BTN2A2: variants seen among roughly 807,000 people sequenced by gnomAD.
BTN2A2 encodes butyrophilin 2.
Under a neutral mutation model 34.7 loss-of-function variants are expected in BTN2A2, and 29 were observed. The ratio of observed to expected loss-of-function variants is 0.84; its 90% CI spans 0.62 to 1.14. The LOEUF (loss-of-function observed/expected upper bound fraction) is 1.14, where lower values mean the gene tolerates loss of function less well. Ranked by LOEUF, BTN2A2 falls within the 50% of genes most tolerant of loss-of-function variation. The pLI, the probability that BTN2A2 is intolerant of heterozygous loss-of-function variation, is 0.00. For missense variants in BTN2A2, 612 were observed against 651.5 expected, an observed-to-expected ratio of 0.94 and a Z score of 0.66; for synonymous variants, 240 against 253.1, an observed-to-expected ratio of 0.95 and a Z score of 0.49.
chr6:26,389,812 CT>C (rs1434309654), intron 4 of BTN2A2, among the ~76,000 whole-genome samples, 192 bp from the exon 5 acceptor site: 1 of 152,212 alleles, frequency 6.6e-6, no homozygotes, highest in African/African-American at 2.4e-5. Flanking sequence ...GCTTTGCCCC[CT>C]TCTGGGCCCG....
rs1761720475 is a variant in BTN2A2 at position 26,393,301 on chromosome 6, T to C, written c.*334T>C. ...ATCAGGATAACCACATTAAGCCCAA[T>C]ATGCCAGTTGGCACCAGATGCTGTG... On this transcript the variant is annotated 3_prime_UTR_variant, in exon 8 of 8. Coordinates refer to ENST00000356709, the MANE Select transcript of BTN2A2 (RefSeq NM_006995.5). 5 of 1,291,156 alleles carry C rather than the reference T, an allele frequency of 3.9e-6. No individual in the cohort carries two copies. In the South Asian group the frequency reaches 7.6e-5, roughly 20 times the overall value. 80.0% of individuals were successfully genotyped at this position (1,291,156 alleles called of 1,614,324 possible). A position where few individuals can be genotyped will look rare whatever the true frequency, so the allele number is the denominator to read the frequency against.
Position 26,390,019 on chromosome 6 carries a change from A to G in BTN2A2, c.739A>G (p.Ser247Gly). The change falls in exon 5 of 8, where the codon AGC becomes GGC. Residue 247 changes from serine (S) to glycine (G), a missense_variant. By Grantham distance (56) the Ser-to-Gly change is moderately conservative (BLOSUM62 0). Transcript: ENST00000356709. ...VIFIPESFMP[S>G]ASPWMVALAV... ...TGCCTTTTCAGAATCCTTTATGCCC[A>G]GCGCATCTCCCTGGATGGTGGCCCT... 1 of 1,613,678 alleles carries G rather than the reference A, an allele frequency of 6.2e-7. No homozygotes were observed.
chr6:26,392,115 G>A, intron 7 of BTN2A2: 1 of 1,053,502 alleles, frequency 9.5e-7, no homozygotes, highest in Non-Finnish European at 1.4e-6. Context: ...ATTAATTTTG[G>A]CTCATTTCCT....
Position 26,385,203 on chromosome 6 carries a change from G to T in BTN2A2, c.283G>T (p.Glu95Ter). 1 of 1,614,146 alleles carries T rather than the reference G, an allele frequency of 6.2e-7. No individual in the cohort carries two copies. The highest frequency in any genetic ancestry group is 1.1e-5 in the South Asian group (1 of 91,080). Residue 95 changes from glutamate (E) to a stop codon, truncating the protein, a stop_gained, in exon 3 of 8, where the codon GAG becomes TAG. Transcript: ENST00000356709. LOFTEE classifies it high-confidence loss of function. Reference protein sequence around the residue: ...GRERTEEQMEEYRGRITFVSK... With the variant: ...GRERTEEQME ...AGAGAGAACAGAGGAGCAGATGGAGGAGTACCGGGGAAGAATCACCTTTGT... is the reference window on the plus strand; with the variant it reads ...AGAGAGAACAGAGGAGCAGATGGAGTAGTACCGGGGAAGAATCACCTTTGT...
chr6:26,393,031 A>AC lies in BTN2A2; in HGVS notation c.*70dup, dbSNP rs1761704805. ...TGGCCATCTCAGCAGCCACCGCACA[A>AC]CCCCCCTAATGAAAGACACGCCCTC... On this transcript the variant is annotated 3_prime_UTR_variant, in exon 8 of 8. Transcript: ENST00000356709. 1 of 1,612,242 alleles carries AC rather than the reference A, an allele frequency of 6.2e-7. No homozygotes were observed. Among genetic ancestry groups the AC allele is most frequent in the Non-Finnish European group, 8.5e-7 (1 of 1,179,272 alleles).
chr6:26,383,577 A>T lies in BTN2A2; in HGVS notation c.-30-215A>T. 1 of 488,118 alleles carries T rather than the reference A, an allele frequency of 2.0e-6. No individual in the cohort carries two copies. The highest frequency in any genetic ancestry group is 3.6e-6 in the Non-Finnish European group (1 of 274,116). 30.2% of individuals were successfully genotyped at this position (488,118 alleles called of 1,614,324 possible). On this transcript the variant is annotated intron_variant, in intron 1 of 7. Coordinates refer to ENST00000356709, the MANE Select transcript of BTN2A2 (RefSeq NM_006995.5). This position sits in a 1 kb window ranked among gnomAD's most constrained non-coding sequence, Gnocchi z 4.4. Reference sequence around the variant, plus strand: ...CTGTGGCCCGAGAAGTGGGAAGAGGAAGGAGGAAAACGGCCCCCTTGATCT... The same window carrying T: ...CTGTGGCCCGAGAAGTGGGAAGAGGTAGGAGGAAAACGGCCCCCTTGATCT...
chr6:26,387,183 G>A (rs1329650930), intron 3 of BTN2A2, among the ~76,000 whole-genome samples: 2 of 152,144 alleles, frequency 1.3e-5, no homozygotes, highest in African/African-American at 2.4e-5. Context: ...AGGCAATATG[G>A]TTATCTTAAG....
intron 3 of BTN2A2, among the ~76,000 whole-genome samples, chr6:26,387,394 A>G (rs1458286261): frequency 6.6e-6 from 1 of 152,176 alleles, no homozygotes; most frequent in African/African-American, 2.4e-5. Context: ...GAGGCCCTGA[A>G]CTAGACAGAA....
Position 26,394,097 on chromosome 6 carries a change from A to G in BTN2A2, c.*1130A>G. The G allele has an allele frequency of 2.0e-6, 1 of 502,524 alleles. No individual in the cohort carries two copies. The highest frequency in any genetic ancestry group is 3.5e-6 in the Non-Finnish European group (1 of 283,370). 31.1% of individuals were successfully genotyped at this position (502,524 alleles called of 1,614,324 possible). A position where few individuals can be genotyped will look rare whatever the true frequency, so the allele number is the denominator to read the frequency against. ...CTATTGGTATATCATAGGTCATGTT[A>G]GCTCAAAAAAACTTTACTGCACACT... On this transcript the variant is annotated 3_prime_UTR_variant, in exon 8 of 8. Transcript: ENST00000356709.
intron 3 of BTN2A2, among the ~76,000 whole-genome samples, chr6:26,387,258 C>G (rs767813049): frequency 3.9e-5 from 6 of 152,150 alleles, no homozygotes; most frequent in Non-Finnish European, 8.8e-5. Context: ...AGAAAATTCT[C>G]TATTGGATGG....
Position 26,392,686 on chromosome 6 carries a change from T to A in BTN2A2, c.1291T>A (p.Ser431Thr), listed in dbSNP as rs1761669867. 6.2e-7 allele frequency: 1 copy of A among 1,614,038 alleles called. No individual in the cohort carries two copies. ...EMFGNQYRALSSPERILPLKE... is the reference protein window; with the variant it reads ...EMFGNQYRALTSPERILPLKE... Reference sequence around the variant, plus strand: ...GTTTGGAAACCAATACCGGGCCCTGTCCTCCCCTGAGAGGATTCTCCCTTT... The same window carrying A: ...GTTTGGAAACCAATACCGGGCCCTGACCTCCCCTGAGAGGATTCTCCCTTT... The change falls in exon 8 of 8, where the codon TCC (serine) becomes ACC (threonine). Residue 431 changes from serine to threonine, a missense_variant. Transcript: ENST00000356709.
Position 26,390,209 on chromosome 6 carries a change from C to G in BTN2A2, c.929C>G (p.Ala310Gly). 6.2e-7 allele frequency: 1 copy of G among 1,613,108 alleles called. No homozygotes were observed. ...KKVEQEEKEI[A>G]QQLQEELRWR... is the part of the protein sequence containing the mutation. ...GTTGAACAAGAGGAAAAAGAAATTG[C>G]ACGTAAGGAATTTGTAAAGAAAGTG... Residue 310 changes from alanine (A) to glycine (G), a missense_variant and splice_region_variant, in exon 5 of 8, where the codon GCA (alanine) becomes GGA (glycine). Coordinates refer to ENST00000356709, the MANE Select transcript of BTN2A2 (RefSeq NM_006995.5).
At chr6:26,391,950 T>C in intron 7 of BTN2A2, 3 of 482,664 alleles carry the variant, frequency 6.2e-6, no homozygotes, top group Middle Eastern at 5.7e-4. Flanking sequence ...ACTTAATTGA[T>C]CCATTGAGAG....
rs1761124466 is a variant in BTN2A2 at position 26,385,337 on chromosome 6, G to A, written c.417G>A (p.Glu139=). Residue 139 remains glutamate, a synonymous_variant, in exon 3 of 8, where the codon GAG becomes GAA. Coordinates refer to ENST00000356709, the MANE Select transcript of BTN2A2 (RefSeq NM_006995.5). ...TCCAAGAAGGCAGGTCCTACGATGA[G>A]GCCATCCTACGCCTCGTGGTGGCAG... ...CYFQEGRSYD[E]AILRLVVAGL... The A allele has an allele frequency of 6.2e-7, 1 of 1,613,658 alleles. No individual in the cohort carries two copies. The highest frequency in any genetic ancestry group is 8.5e-7 in the Non-Finnish European group (1 of 1,179,680).
Position 26,384,884 on chromosome 6 carries a change from T to A in BTN2A2, c.95-131T>A, listed in dbSNP as rs1479061887. 3 of 1,018,296 alleles carry A rather than the reference T, an allele frequency of 2.9e-6. No homozygotes were observed. The highest frequency in any genetic ancestry group is 4.2e-6 in the Non-Finnish European group (3 of 709,216). 63.1% of individuals were successfully genotyped at this position (1,018,296 alleles called of 1,614,324 possible). ...AGGGTTCTCAGCCCAAGAACCCCTG[T>A]AGCCTTGGAATATCTGCTTCCTTTC... On this transcript the variant is annotated intron_variant, in intron 2 of 7. Coordinates refer to ENST00000356709, the MANE Select transcript of BTN2A2 (RefSeq NM_006995.5). The surrounding 1 kb of genome is among the most constrained non-coding windows in gnomAD (Gnocchi z 4.0).
In BTN2A2 at chr6:26,389,984, CT is replaced by C; in HGVS notation, c.725-17del. 1.2e-6 allele frequency: 2 copies of C among 1,609,244 alleles called. No homozygotes were observed. Reference sequence around the variant, plus strand: ...GATGTTCTATTTCAAACTAAATGGACTTTTCTGGCTGCCTTTTCAGAATCCT... The same window carrying C: ...GATGTTCTATTTCAAACTAAATGGACTTTCTGGCTGCCTTTTCAGAATCCT... On this transcript the variant is annotated intron_variant, in intron 4 of 7. Coordinates refer to ENST00000356709, the MANE Select transcript of BTN2A2 (RefSeq NM_006995.5).
rs114402470 is a variant in BTN2A2 at position 26,392,260 on chromosome 6, C to T, written c.980-115C>T. On this transcript the variant is annotated intron_variant, in intron 7 of 7. Transcript: ENST00000356709. ...TGGGATCAGGGGACCTTCATGGAAA[C>T]GGCCACTACATGGGGAACCCCCTTC... The T allele has an allele frequency of 1.8e-3, 2,851 of 1,569,224 alleles. 25 individuals are homozygous for T. The African/African-American group carries it at 0.025, about 14-fold the overall frequency.
chr6:26,393,895 T>A lies in BTN2A2; in HGVS notation c.*928T>A, dbSNP rs1761748713. ...TTAAAATGTTATCTTTTAATTTATGTTAAAATAGCATTAATAAATCAGTTA... is the reference window on the plus strand; with the variant it reads ...TTAAAATGTTATCTTTTAATTTATGATAAAATAGCATTAATAAATCAGTTA... On this transcript the variant is annotated 3_prime_UTR_variant, in exon 8 of 8. Transcript: ENST00000356709. 5.0e-6 allele frequency: 2 copies of A among 403,110 alleles called. No homozygotes were observed. The highest frequency in any genetic ancestry group is 2.2e-5 in the African/African-American group (1 of 46,216). The allele number at this position is 403,110 out of a possible 1,614,324, so 25.0% of individuals were successfully genotyped here. A position where few individuals can be genotyped will look rare whatever the true frequency, so the allele number is the denominator to read the frequency against.
chr6:26,390,306 C>T, intron 5 of BTN2A2, 95 bp downstream of exon 5: 1 of 1,244,670 alleles, frequency 8.0e-7, no homozygotes, highest in Non-Finnish European at 1.1e-6. Context: ...ATAGAAAGGC[C>T]ACAGCTCTCA....
Sources: gnomAD v4.1 joint callset for allele counts (sites outside exome capture counted in the v4.1 genomes callset) on GRCh38, gnomAD v4.1.1 for gene constraint, Gnocchi (gnomAD v3.1) non-coding constraint, MANE v1.5 for transcripts, NCBI Gene and HGNC (gene_info 2026-07-23, HGNC 2026-07-21) for gene names.